The following PRKG1 variants were observed in gnomAD, a reference collection of about 807,000 sequenced individuals.
PRKG1 encodes protein kinase cGMP-dependent 1.
PRKG1 carries 35 observed loss-of-function variants against 88.1 expected under a neutral mutation model. The ratio of observed to expected loss-of-function variants is 0.40; its 90% confidence interval spans 0.30 to 0.53. PRKG1 has a LOEUF of 0.53. Among genes scored for constraint, PRKG1 ranks in the 20% least tolerant of loss-of-function variants. PRKG1 has a pLI of 0.59. For synonymous variants in PRKG1, 303 were observed against 292.5 expected, an observed-to-expected ratio of 1.04 and a Z score of -0.37; for missense variants, 540 against 839.8, an observed-to-expected ratio of 0.64 and a Z score of 4.41.
At chr10:51,051,332 T>C (rs181851595) in intron 1 of PRKG1, among the ~76,000 whole-genome samples, 233 of 152,276 alleles carry the variant, frequency 1.5e-3, no homozygotes, top group Non-Finnish European at 1.5e-3. Context: ...TGAGTTGATT[T>C]TTCGTATGAT....
intron 1 of PRKG1, among the ~76,000 whole-genome samples, chr10:51,042,390 C>T (rs1843435764): frequency 6.6e-6 from 1 of 152,100 alleles, no homozygotes; most frequent in Non-Finnish European, 1.5e-5. Context: ...TTATTATGAC[C>T]TATTATGTAC....
chr10:51,790,648 A>G (rs1838846280), intron 3 of PRKG1, among the ~76,000 whole-genome samples: 2 of 152,092 alleles, frequency 1.3e-5, no homozygotes, highest in South Asian at 4.1e-4. Flanking sequence ...ATGAGACACC[A>G]TTTCCTTTAT....
intron 9 of PRKG1, among the ~76,000 whole-genome samples, chr10:52,162,726 T>A (rs565126650): frequency 1.3e-5 from 2 of 152,282 alleles, no homozygotes; most frequent in South Asian, 4.1e-4. Context: ...TATTTTGCTT[T>A]GAGAATCCAT....
chr10:51,508,897 G>T (rs567761049), intron 3 of PRKG1, among the ~76,000 whole-genome samples: 5 of 152,212 alleles, frequency 3.3e-5, no homozygotes, highest in East Asian at 1.9e-4. Flanking sequence ...TATTACAACG[G>T]TATTGCTATT....
At chr10:51,069,523 G>A (rs1843796419), upstream of PRKG1, among the ~76,000 whole-genome samples, 2 of 151,956 alleles carry the variant, frequency 1.3e-5, no homozygotes, top group Admixed American at 6.6e-5. Context: ...ATTTATCAAA[G>A]TATAATTAAA....
At chr10:52,252,605 A>C (rs983538190) in intron 10 of PRKG1, 3 of 152,124 alleles carry the variant, frequency 2.0e-5, no homozygotes, top group Non-Finnish European at 4.4e-5. Flanking sequence ...TTAAAAGTAC[A>C]TTGACCCAGT....
At chr10:52,007,392 A>T (rs928325479) in intron 5 of PRKG1, among the ~76,000 whole-genome samples, 2 of 152,154 alleles carry the variant, frequency 1.3e-5, no homozygotes, top group African/African-American at 4.8e-5. Context: ...CACCTCATAT[A>T]CAATAACATT....
chr10:51,633,691 G>T (rs1039129853), intron 3 of PRKG1, among the ~76,000 whole-genome samples: 6 of 152,140 alleles, frequency 3.9e-5, no homozygotes, highest in Non-Finnish European at 8.8e-5. Context: ...TCCAGCAGAT[G>T]GTTATCATTT....
intron 4 of PRKG1, among the ~76,000 whole-genome samples, chr10:51,876,595 G>A (rs1461400182): frequency 6.6e-6 from 1 of 152,146 alleles, no homozygotes; most frequent in Non-Finnish European, 1.5e-5. Flanking sequence ...AGAATAGCCA[G>A]CCAGTTACGT....
intron 9 of PRKG1, among the ~76,000 whole-genome samples, chr10:52,188,656 T>A (rs942650270): frequency 3.3e-5 from 5 of 152,190 alleles, no homozygotes; most frequent in Admixed American, 6.5e-5. Context: ...AACAGATGAT[T>A]TCTATTGTGT....
intron 5 of PRKG1, among the ~76,000 whole-genome samples, chr10:51,926,878 A>G (rs1386130920): frequency 6.7e-6 from 1 of 150,224 alleles, no homozygotes; most frequent in Non-Finnish European, 1.5e-5. Context: ...GACGATATGT[A>G]GTTCTACCTG....
intron 2 of PRKG1, among the ~76,000 whole-genome samples, chr10:51,271,552 G>A (rs896507889): frequency 6.6e-6 from 1 of 152,110 alleles, no homozygotes; most frequent in South Asian, 2.1e-4. Context: ...AACTTTAAAT[G>A]GGGTTTTCAG....
At chr10:51,141,060 C>T (rs558267135) in intron 1 of PRKG1, among the ~76,000 whole-genome samples, 5 of 152,272 alleles carry the variant, frequency 3.3e-5, no homozygotes, top group African/African-American at 1.2e-4. Context: ...TCTCTCTAGA[C>T]CACAGTTTTG....
At chr10:51,433,973 G>A (rs1240605597) in intron 2 of PRKG1, among the ~76,000 whole-genome samples, 7 of 152,084 alleles carry the variant, frequency 4.6e-5, no homozygotes, top group Non-Finnish European at 7.4e-5. Flanking sequence ...AGAAAACTGA[G>A]TTCAAATTTA....
chr10:51,373,302 A>G (rs1407662317), intron 2 of PRKG1, among the ~76,000 whole-genome samples: 1 of 152,218 alleles, frequency 6.6e-6, no homozygotes, highest in Non-Finnish European at 1.5e-5. Flanking sequence ...GAAATCAAGA[A>G]TCTGAGCCCT....
chr10:51,945,709 T>G (rs1589444019), intron 5 of PRKG1, among the ~76,000 whole-genome samples: 1 of 149,868 alleles, frequency 6.7e-6, no homozygotes, highest in South Asian at 2.1e-4. Context: ...TCTCCTTCAC[T>G]TATGAAGCTT....
At chr10:51,413,573 C>T (rs1373154279) in intron 2 of PRKG1, among the ~76,000 whole-genome samples, 1 of 152,054 alleles carries the variant, frequency 6.6e-6, no homozygotes, top group African/African-American at 2.4e-5. Context: ...GATGGCCAGA[C>T]TGGTCTCGAA....
rs901445728 is a variant in PRKG1 at position 51,946,773 on chromosome 10, C to T, written c.762+39203C>T. Among the ~76,000 whole-genome samples, 16 of 152,006 alleles carry T rather than the reference C, an allele frequency of 1.1e-4. 1 individual carries two copies. The highest frequency in any genetic ancestry group is 3.4e-4 in the African/African-American group (14 of 41,302). ...ACCAGCAGCAGTGGCTGCAGAAGAG[C>T]GGATTTTCATGAACCGCGAATGCTG... On this transcript the variant is annotated intron_variant, in intron 5 of 17. Coordinates refer to ENST00000373980, the MANE Select transcript of PRKG1 (RefSeq NM_006258.4).
rs548541486 is a variant in PRKG1, at chr10:51,115,836, G to GAA, written c.312-37315_312-37314dup. 6.4e-3 allele frequency among the ~76,000 whole-genome samples: 833 copies of GAA among 131,062 alleles called. 6 individuals carry two copies. The highest frequency in any genetic ancestry group is 8.1e-3 in the Non-Finnish European group (509 of 63,156). The allele number at this position is 131,062 out of a possible 152,430, so 86.0% of individuals were successfully genotyped here. On this transcript the variant is annotated intron_variant, in intron 1 of 17. Coordinates refer to ENST00000373980, the MANE Select transcript of PRKG1 (RefSeq NM_006258.4). ...GGATGACAGAGTGAGACTCCATCTC[G>GAA]AAAAAAAAAAAAAAGGAATGATAAA... is the stretch of plus-strand genomic sequence containing the variant.
Sources: gnomAD v4.1 joint callset for allele counts (sites outside exome capture counted in the v4.1 genomes callset) on GRCh38, gnomAD v4.1.1 for gene constraint, MANE v1.5 for transcripts, NCBI Gene and HGNC (gene_info 2026-07-23, HGNC 2026-07-21) for gene names.